MAPK10: variants seen among roughly 807,000 people sequenced by gnomAD.
The protein encoded by MAPK10 is mitogen-activated protein kinase 10, also known as JNK3 alpha protein kinase.
Under a neutral mutation model 59.3 loss-of-function variants are expected in MAPK10, and 25 were observed. The observed-to-expected ratio is 0.42, with a 90% CI of 0.31 to 0.59. The LOEUF is 0.59. MAPK10 is among the 20% of genes least tolerant of loss of function. The probability of loss-of-function intolerance (pLI) is 0.15; values close to 1 mark genes in which losing one functional copy is unlikely to be tolerated. For missense variants in MAPK10, 351 were observed against 568.9 expected, an observed-to-expected ratio of 0.62 and a Z score of 3.90; for synonymous variants, 190 against 200.5, an observed-to-expected ratio of 0.95 and a Z score of 0.44.
chr4:86,204,783 A>C (rs545384766), intron 2 of MAPK10, among the ~76,000 whole-genome samples: 1 of 152,126 alleles, frequency 6.6e-6, no homozygotes, highest in African/African-American at 2.4e-5. Context: ...TCTTTTTACT[A>C]AACAGTAGAC....
At chr4:86,517,262 G>A (rs1262059316) in intron 1 of MAPK10, among the ~76,000 whole-genome samples, 2 of 137,558 alleles carry the variant, frequency 1.5e-5, no homozygotes, top group Non-Finnish European at 3.1e-5. Context: ...TGAACATGGT[G>A]TATTATCTTT....
intron 2 of MAPK10, among the ~76,000 whole-genome samples, chr4:86,343,479 T>A (rs1726268442): frequency 6.6e-6 from 1 of 152,100 alleles, no homozygotes; most frequent in Admixed American, 6.5e-5. Context: ...CAAAACACTA[T>A]TTTCTCGATT....
intron 2 of MAPK10, among the ~76,000 whole-genome samples, chr4:86,202,356 G>T (rs966746046): frequency 2.6e-5 from 4 of 151,678 alleles, no homozygotes; most frequent in African/African-American, 7.3e-5. Context: ...GTATAGTATT[G>T]TAACCATTCA....
rs1760370080 is a variant in MAPK10, at chr4:86,557,659, C to T, written c.-263+36251G>A. Among the ~76,000 whole-genome samples, 3 of 151,964 alleles carry T rather than the reference C, an allele frequency of 2.0e-5. No homozygotes were observed. In the South Asian group the frequency reaches 6.2e-4, roughly 31 times the overall value. ...TGTTGTATTTAATGACACCAAAATA[C>T]TGTTTAGTTTCAGCCAAAAGTAGGC... On this transcript the variant is annotated intron_variant, in intron 1 of 4. Transcript: ENST00000502302.
At chr4:86,554,965 CT>C (rs1328274016) in intron 1 of MAPK10, among the ~76,000 whole-genome samples, 9 of 152,310 alleles carry the variant, frequency 5.9e-5, no homozygotes. Flanking sequence ...ATTTTGTCTT[CT>C]TTTCTTCAGA....
chr4:86,392,809 T>C (rs1304386590), intron 1 of MAPK10, among the ~76,000 whole-genome samples: 1 of 152,148 alleles, frequency 6.6e-6, no homozygotes, highest in Non-Finnish European at 1.5e-5. Context: ...GGTGACTGTG[T>C]GTTGGTGAGG....
At chr4:86,542,771 C>T (rs1199741537) in intron 1 of MAPK10, among the ~76,000 whole-genome samples, 1 of 152,190 alleles carries the variant, frequency 6.6e-6, no homozygotes, top group Non-Finnish European at 1.5e-5. Context: ...GGGAACACTA[C>T]AGACACTGCT....
chr4:86,593,913 T>C (rs776364674), exon 1 of MAPK10: 1 of 152,208 alleles, frequency 6.6e-6, no homozygotes, highest in Non-Finnish European at 1.5e-5. Flanking sequence ...CACTTACGCA[T>C]TTTTCACTCT....
At chr4:86,464,021 G>A (rs1751979968) in intron 1 of MAPK10, among the ~76,000 whole-genome samples, 1 of 152,066 alleles carries the variant, frequency 6.6e-6, no homozygotes, top group African/African-American at 2.4e-5. Flanking sequence ...ATCAAACCGT[G>A]ACTATGATAG....
chr4:86,314,654 A>G (rs12500132), intron 2 of MAPK10, among the ~76,000 whole-genome samples: 1,600 of 152,254 alleles, frequency 0.011, 11 homozygotes, highest in South Asian at 0.033. Flanking sequence ...CACACTGTAC[A>G]TTTAAGATAC....
intron 1 of MAPK10, among the ~76,000 whole-genome samples, chr4:86,523,594 C>A (rs886606399): frequency 2.0e-5 from 3 of 152,192 alleles, no homozygotes; most frequent in Non-Finnish European, 2.9e-5. Context: ...ATATATACAC[C>A]ACTGTTCAAG....
intron 1 of MAPK10, among the ~76,000 whole-genome samples, chr4:86,563,934 C>T (rs770181493): frequency 3.3e-5 from 5 of 152,142 alleles, no homozygotes; most frequent in Non-Finnish European, 7.4e-5. Flanking sequence ...CGTATTCAAG[C>T]GATTCTCCTG....
intron 1 of MAPK10, among the ~76,000 whole-genome samples, chr4:86,437,862 T>C (rs934007508): frequency 1.3e-5 from 2 of 152,104 alleles, no homozygotes; most frequent in Admixed American, 6.6e-5. Flanking sequence ...AAAAGTAAAA[T>C]GCATAAATAA....
At chr4:86,249,936 G>C (rs1248445819) in intron 2 of MAPK10, among the ~76,000 whole-genome samples, 3 of 152,046 alleles carry the variant, frequency 2.0e-5, no homozygotes, top group Non-Finnish European at 4.4e-5. Flanking sequence ...TCCTGAGAAT[G>C]GGAAATAAAA....
chr4:86,484,207 C>A (rs905518853), intron 1 of MAPK10, among the ~76,000 whole-genome samples: 4 of 152,122 alleles, frequency 2.6e-5, no homozygotes, highest in African/African-American at 7.2e-5. Context: ...CTAGAAATAA[C>A]AAGAATAAAT....
At chr4:86,319,783 C>A (rs141974327) in intron 2 of MAPK10, among the ~76,000 whole-genome samples, 49 of 152,338 alleles carry the variant, frequency 3.2e-4, no homozygotes, top group Middle Eastern at 6.8e-3. Context: ...GCAGCTAATG[C>A]TCCCAAGTGC....
intron 3 of MAPK10, among the ~76,000 whole-genome samples, chr4:86,185,316 T>C (rs2077944774): frequency 6.6e-6 from 1 of 152,158 alleles, no homozygotes; most frequent in Non-Finnish European, 1.5e-5. Context: ...GTTAGGACTA[T>C]TTTTAAAAGG....
chr4:86,142,985 A>T (rs894477258), intron 4 of MAPK10, among the ~76,000 whole-genome samples: 2 of 152,226 alleles, frequency 1.3e-5, no homozygotes, highest in African/African-American at 4.8e-5. Context: ...TGCTGCTATG[A>T]GGAAATACCT....
chr4:86,269,777 T>C (rs2094373834), intron 2 of MAPK10, among the ~76,000 whole-genome samples: 1 of 152,120 alleles, frequency 6.6e-6, no homozygotes. Context: ...CTCATCCTAA[T>C]ACAAAATTGC....
Sources: gnomAD v4.1 joint callset for allele counts (sites outside exome capture counted in the v4.1 genomes callset) on GRCh38, gnomAD v4.1.1 for gene constraint, MANE v1.5 for transcripts, NCBI Gene and HGNC (gene_info 2026-07-23, HGNC 2026-07-21) for gene names.